UNC5A: variants seen among roughly 807,000 people sequenced by gnomAD.
UNC5A encodes unc-5 netrin receptor A, also known as netrin receptor UNC5A.
Under a neutral mutation model 87.4 loss-of-function variants are expected in UNC5A, and 20 were observed. The observed-to-expected ratio is 0.23, with a 90% confidence interval of 0.16 to 0.33. UNC5A has a LOEUF of 0.33. Among genes scored for constraint, UNC5A ranks in the 10% least tolerant of loss-of-function variants. The pLI is 1.00. For missense variants in UNC5A, 844 were observed against 1,133.4 expected (o/e 0.74, Z 3.67); for synonymous variants, 438 against 482.3 (o/e 0.91, Z 1.20).
intron 1 of UNC5A, among the ~76,000 whole-genome samples, chr5:176,817,157 C>G (rs1344679845): frequency 6.6e-6 from 1 of 152,092 alleles, no homozygotes; most frequent in African/African-American, 2.4e-5. Flanking sequence ...AAGGGCCAGC[C>G]GTCACCCTGA....
chr5:176,815,783 C>A (rs1286819024), intron 1 of UNC5A, among the ~76,000 whole-genome samples: 3 of 152,342 alleles, frequency 2.0e-5, no homozygotes, highest in East Asian at 3.9e-4. Context: ...CAGGCAGGGG[C>A]CCCTTCTGGT....
Position 176,862,877 on chromosome 5 carries a change from T to C in UNC5A, c.292+32T>C, listed in dbSNP as rs571820609. On this transcript the variant is annotated intron_variant, in intron 2 of 14. Transcript: ENST00000329542. ...CGCATGGGGCGCCAGGCAGGGCCAA[T>C]CCGGGGGAGGCGAGTTTCGGCCCCC... The C allele has an allele frequency of 1.6e-5, 26 of 1,608,778 alleles. No individual in the cohort carries two copies. In the East Asian group the frequency reaches 5.8e-4, roughly 36 times the overall value.
chr5:176,858,821 G>A (rs1041541728), intron 1 of UNC5A, among the ~76,000 whole-genome samples: 2 of 150,134 alleles, frequency 1.3e-5, no homozygotes, highest in African/African-American at 4.9e-5. Context: ...AGAAAGAAAG[G>A]AAGGAAGCTC....
rs1581285115 is a variant in UNC5A, at chr5:176,880,235, G to A, written c.*349G>A. On this transcript the variant is annotated 3_prime_UTR_variant, in exon 15 of 15. Coordinates refer to ENST00000329542, the MANE Select transcript of UNC5A (RefSeq NM_133369.3). ...GCCCCGCATACACACGGCCATGCAC[G>A]CACACACTGGGCCTGGGCCAGGGCC... 1.4e-5 allele frequency: 3 copies of A among 214,958 alleles called. No homozygotes were observed. The East Asian group carries it at 3.7e-4, about 26-fold the overall frequency. The allele number at this position is 214,958 out of a possible 1,614,324, so 13.3% of individuals were successfully genotyped here.
chr5:176,820,156 G>A (rs1339020029), intron 1 of UNC5A, among the ~76,000 whole-genome samples: 1 of 152,212 alleles, frequency 6.6e-6, no homozygotes, highest in African/African-American at 2.4e-5. Flanking sequence ...CCAGCATTTT[G>A]GGAGGCCGAG....
At chr5:176,831,028 C>G (rs79087263) in intron 1 of UNC5A, among the ~76,000 whole-genome samples, 3,002 of 151,896 alleles carry the variant, frequency 0.02, 88 homozygotes, top group African/African-American at 0.068. Flanking sequence ...TTCCTGCAGC[C>G]TCGCTCTGTG....
chr5:176,855,363 G>A (rs957943987), intron 1 of UNC5A, among the ~76,000 whole-genome samples: 3 of 152,210 alleles, frequency 2.0e-5, no homozygotes, highest in Non-Finnish European at 2.9e-5. Flanking sequence ...CTGGAATCCC[G>A]TCTATTGGAC....
intron 1 of UNC5A, among the ~76,000 whole-genome samples, chr5:176,849,582 T>TA (rs1475672467): frequency 2.0e-5 from 3 of 151,922 alleles, no homozygotes; most frequent in Admixed American, 6.5e-5. Flanking sequence ...CTCAAAAAAT[T>TA]AAAAAAATGG....
chr5:176,844,838 C>T lies in UNC5A; in HGVS notation c.71-17786C>T, dbSNP rs1757363747. Among the ~76,000 whole-genome samples the T allele has an allele frequency of 6.6e-6, 1 of 152,118 alleles. No homozygotes were observed. The highest frequency in any genetic ancestry group is 1.5e-5 in the Non-Finnish European group (1 of 68,008). On this transcript the variant is annotated intron_variant, in intron 1 of 14. Coordinates refer to ENST00000329542, the MANE Select transcript of UNC5A (RefSeq NM_133369.3). This position sits in a 1 kb window ranked among gnomAD's most constrained non-coding sequence, Gnocchi z 4.2. ...ACTGCTTGCAGTGGATCGTGGAAGT[C>T]GGTCCTCGGTGCCAGCCACAGACTC...
At position 176,838,115 on chromosome 5, in the gene UNC5A, T is replaced by C. The variant is rs1757189672; in HGVS notation, c.71-24509T>C. Among the ~76,000 whole-genome samples the C allele has an allele frequency of 6.6e-6, 1 of 152,206 alleles. No homozygotes were observed. The highest frequency in any genetic ancestry group is 1.5e-5 in the Non-Finnish European group (1 of 68,032). ...CTTCCGTTGAAATTCCCGGAACTCGTTCCAGGCAAAGTGGCCCTGCAGGTC... is the reference window on the plus strand; with the variant it reads ...CTTCCGTTGAAATTCCCGGAACTCGCTCCAGGCAAAGTGGCCCTGCAGGTC... On this transcript the variant is annotated intron_variant, in intron 1 of 14. Transcript: ENST00000329542. This position sits in a 1 kb window ranked among gnomAD's most constrained non-coding sequence, Gnocchi z 4.2.
intron 1 of UNC5A, among the ~76,000 whole-genome samples, chr5:176,815,004 G>A (rs1164245029): frequency 3.9e-5 from 6 of 152,172 alleles, no homozygotes; most frequent in African/African-American, 1.4e-4. Flanking sequence ...CCCATCCTGG[G>A]GTGGAGGATG....
chr5:176,876,285 G>A (rs1758260334), intron 8 of UNC5A, among the ~76,000 whole-genome samples: 1 of 152,242 alleles, frequency 6.6e-6, no homozygotes, highest in Admixed American at 6.5e-5. Flanking sequence ...AGCAGTGGCT[G>A]TGACTCTGCC....
chr5:176,854,086 C>T (rs115875898), intron 1 of UNC5A, among the ~76,000 whole-genome samples: 296 of 152,260 alleles, frequency 1.9e-3, no homozygotes, highest in African/African-American at 6.8e-3. Context: ...AATTCAGAGG[C>T]GTGCACCCCA....
chr5:176,851,113 GC>G (rs1187713048), intron 1 of UNC5A, among the ~76,000 whole-genome samples: 1 of 152,216 alleles, frequency 6.6e-6, no homozygotes, highest in African/African-American at 2.4e-5. Context: ...CTGGTTGAGA[GC>G]CCGGGGCACT....
At chr5:176,820,135 T>A (rs1277234203) in intron 1 of UNC5A, among the ~76,000 whole-genome samples, 2 of 146,858 alleles carry the variant, frequency 1.4e-5, no homozygotes, top group Non-Finnish European at 3.0e-5. Flanking sequence ...CGGTGGCTCA[T>A]GCCTGTAATC....
chr5:176,862,897 G>GC (rs758583318), intron 2 of UNC5A, 52 bp downstream of exon 2: 36 of 1,600,042 alleles, frequency 2.2e-5, no homozygotes, highest in Middle Eastern at 2.2e-4. Context: ...GCGAGTTTCG[G>GC]CCCCCCCAGA....
chr5:176,863,325 G>A (rs1164357976), intron 2 of UNC5A, among the ~76,000 whole-genome samples: 2 of 152,236 alleles, frequency 1.3e-5, no homozygotes, highest in African/African-American at 4.8e-5. Context: ...GGCAGACGCC[G>A]GCATGCCGGT....
rs748831937 is a variant in UNC5A at position 176,869,621 on chromosome 5, T to TG, written c.721+660dup. ...CCTTCTCTGTCCGGCCAGTGAACGG[T>TG]GGGTGGTCGACGTGGACCGAGTGGT... On this transcript the variant is annotated intron_variant, in intron 5 of 14. Transcript: ENST00000329542. This position sits in a 1 kb window ranked among gnomAD's most constrained non-coding sequence, Gnocchi z 9.1. 1.4e-6 allele frequency: 1 copy of TG among 699,242 alleles called. No homozygotes were observed. Among genetic ancestry groups the TG allele is most frequent in the South Asian group, 1.5e-5 (1 of 67,396 alleles). 43.3% of individuals were successfully genotyped at this position (699,242 alleles called of 1,614,324 possible).
Position 176,868,945 on chromosome 5 carries a change from C to G in UNC5A, c.702C>G (p.Ser234=). ...TCGTGGCACGTCGCCGCAGCGCCTC[C>G]GCTGCTGTCATCGTCTACGGTGGGC... is the stretch of plus-strand genomic sequence containing the variant. The part of the protein sequence containing the change: ...KNIVARRRSA[S]AAVIVYVDGS... The change falls in exon 5 of 15, where the codon TCC becomes TCG. Residue 234 remains serine (S), a synonymous_variant. Coordinates refer to ENST00000329542, the MANE Select transcript of UNC5A (RefSeq NM_133369.3). 1 of 1,608,580 alleles carries G rather than the reference C, an allele frequency of 6.2e-7. No homozygotes were observed. The highest frequency in any genetic ancestry group is 8.5e-7 in the Non-Finnish European group (1 of 1,177,240).
Sources: gnomAD v4.1 joint callset for allele counts (sites outside exome capture counted in the v4.1 genomes callset) on GRCh38, gnomAD v4.1.1 for gene constraint, Gnocchi (gnomAD v3.1) non-coding constraint, MANE v1.5 for transcripts, NCBI Gene and HGNC (gene_info 2026-07-23, HGNC 2026-07-21) for gene names.